Variants in KLHL6 observed in about 807,000 individuals in gnomAD.
KLHL6 encodes the protein kelch like family member 6, also known as kelch-like protein 6.
A neutral mutation model predicts 58.6 loss-of-function variants in KLHL6; 41 were observed. The observed-to-expected ratio is 0.70, with a 90% CI of 0.55 to 0.91. The LOEUF (loss-of-function observed/expected upper bound fraction) is 0.91, where lower values mean the gene tolerates loss of function less well. Among genes scored for constraint, KLHL6 ranks in the 40% least tolerant of loss-of-function variants. The pLI is 0.00. For synonymous variants in KLHL6, 338 were observed against 322.7 expected (o/e 1.05, Z -0.51); for missense variants, 714 against 805.6 (o/e 0.89, Z 1.38).
At chr3:183,515,131 C>G (rs1711516856) in intron 2 of KLHL6, among the ~76,000 whole-genome samples, 1 of 152,162 alleles carries the variant, frequency 6.6e-6, no homozygotes, top group Non-Finnish European at 1.5e-5. Flanking sequence ...TATCCTTCCA[C>G]CTAAGTACAA....
chr3:183,534,656 G>A (rs1016632295), intron 1 of KLHL6, among the ~76,000 whole-genome samples: 2 of 151,682 alleles, frequency 1.3e-5, no homozygotes, highest in African/African-American at 4.8e-5. Context: ...ACCCACCTCG[G>A]TCTCCCAAAG....
chr3:183,545,767 C>T (rs1244475795), intron 1 of KLHL6, among the ~76,000 whole-genome samples: 1 of 152,200 alleles, frequency 6.6e-6, no homozygotes, highest in African/African-American at 2.4e-5. Flanking sequence ...GTCACATGAG[C>T]GACCGGTTCA....
chr3:183,516,155 G>A (rs909891543), intron 2 of KLHL6, among the ~76,000 whole-genome samples: 6 of 152,252 alleles, frequency 3.9e-5, no homozygotes, highest in South Asian at 2.1e-4. Context: ...AGAGGCAGGT[G>A]GGGGATCTCC....
At position 183,528,090 on chromosome 3, in the gene KLHL6, A is replaced by G. The variant is rs139982791; in HGVS notation, c.294-80T>C. ...AAAGAGATCCCCTTTCAGACTCATC[A>G]GGCCCTCACAGAACAGGGGGTTTCC... On this transcript the variant is annotated intron_variant, in intron 1 of 6. Transcript: ENST00000341319. 2,936 of 1,500,106 alleles carry G rather than the reference A, an allele frequency of 2.0e-3. 46 individuals are homozygous for G. In the African/African-American group the frequency reaches 0.037, roughly 19 times the overall value. The allele number at this position is 1,500,106 out of a possible 1,614,324, so 92.9% of individuals were successfully genotyped here.
intron 1 of KLHL6, among the ~76,000 whole-genome samples, chr3:183,542,979 C>G (rs1031413005): frequency 6.6e-6 from 1 of 152,148 alleles, no homozygotes; most frequent in African/African-American, 2.4e-5. Flanking sequence ...TCCTTCCCCT[C>G]CAGGTATTTG....
In KLHL6 at chr3:183,547,984, G is replaced by C. The variant is rs116122676; in HGVS notation, c.293+7377C>G. 2.0e-5 allele frequency among the ~76,000 whole-genome samples: 3 copies of C among 152,262 alleles called. No individual in the cohort carries two copies. In the South Asian group the frequency reaches 6.2e-4, roughly 32 times the overall value. ...GAAATGTAAAAATCAGAGCCTCCTT[G>C]TGCTCATACACACATGCACAGGCAG... is the stretch of plus-strand genomic sequence containing the variant. On this transcript the variant is annotated intron_variant, in intron 1 of 6. Coordinates refer to ENST00000341319, the MANE Select transcript of KLHL6 (RefSeq NM_130446.4).
chr3:183,552,215 C>T (rs1712943738), intron 1 of KLHL6: 1 of 152,128 alleles, frequency 6.6e-6, no homozygotes, highest in South Asian at 2.1e-4. Flanking sequence ...GAAAAAAACT[C>T]ATGTTTCAGG....
intron 2 of KLHL6, among the ~76,000 whole-genome samples, chr3:183,519,237 A>G (rs1259866380): frequency 6.6e-6 from 1 of 152,316 alleles, no homozygotes; most frequent in Non-Finnish European, 1.5e-5. Context: ...GCCAGACCTG[A>G]AGAGGCTTTG....
Position 183,550,010 on chromosome 3 carries a change from G to T in KLHL6, c.293+5351C>A, listed in dbSNP as rs142116094. On this transcript the variant is annotated intron_variant, in intron 1 of 6. Coordinates refer to ENST00000341319, the MANE Select transcript of KLHL6 (RefSeq NM_130446.4). ...GTAAAAAACAAACAAAAACAGAAGA[G>T]TGGTTTTTTAAAAAATATAAACCTC... Among the ~76,000 whole-genome samples, 1,037 of 152,142 alleles carry T rather than the reference G, an allele frequency of 6.8e-3. 6 individuals are homozygous for T. Among genetic ancestry groups the T allele is most frequent in the African/African-American group, 0.019 (809 of 41,488 alleles).
At chr3:183,528,754 A>C (rs1286932337) in intron 1 of KLHL6, among the ~76,000 whole-genome samples, 1 of 152,206 alleles carries the variant, frequency 6.6e-6, no homozygotes, top group African/African-American at 2.4e-5. Flanking sequence ...CAGTTTTCTC[A>C]TCTGAAATGG....
Position 183,492,746 on chromosome 3 carries a change from T to C in KLHL6, c.1351-39A>G, listed in dbSNP as rs1224078964. 4 of 1,596,608 alleles carry C rather than the reference T, an allele frequency of 2.5e-6. No individual in the cohort carries two copies. The highest frequency in any genetic ancestry group is 1.7e-5 in the Admixed American group (1 of 59,938). On this transcript the variant is annotated intron_variant, in intron 5 of 6. Coordinates refer to ENST00000341319, the MANE Select transcript of KLHL6 (RefSeq NM_130446.4). The surrounding 1 kb of genome is among the most constrained non-coding windows in gnomAD (Gnocchi z 5.9). The stretch of plus-strand genomic sequence containing the variant: ...GGGCACAAGAAGAAGCTGTCAGTCA[T>C]GCTGCCCAGATTGCTGCAGTAGCTC...
intron 2 of KLHL6, among the ~76,000 whole-genome samples, chr3:183,526,496 G>C (rs1711974357): frequency 6.6e-6 from 1 of 152,112 alleles, no homozygotes; most frequent in Non-Finnish European, 1.5e-5. Flanking sequence ...GAAGCCCACA[G>C]CAATCTTCTC....
At chr3:183,527,136 A>C (rs1712000787) in intron 2 of KLHL6, among the ~76,000 whole-genome samples, 1 of 151,966 alleles carries the variant, frequency 6.6e-6, no homozygotes, top group Non-Finnish European at 1.5e-5. Flanking sequence ...AAACCAAAAA[A>C]AAGGATATTA....
intron 1 of KLHL6, among the ~76,000 whole-genome samples, chr3:183,539,462 C>T (rs1177638275): frequency 6.6e-6 from 1 of 152,062 alleles, no homozygotes; most frequent in African/African-American, 2.4e-5. Flanking sequence ...ATAATCCCAG[C>T]ACTTTGGGAT....
intron 1 of KLHL6, among the ~76,000 whole-genome samples, chr3:183,546,098 G>C (rs1174044403): frequency 1.3e-5 from 2 of 152,188 alleles, no homozygotes; most frequent in Non-Finnish European, 2.9e-5. Context: ...GTCCACCCAT[G>C]ATGGATGATG....
intron 5 of KLHL6, 180 bp downstream of exon 5, chr3:183,493,899 G>C (rs3821514): frequency 0.35 from 223,998 of 642,002 alleles, 46,552 homozygotes; most frequent in East Asian, 0.8. Flanking sequence ...TCTGTGACTT[G>C]ATCAGCAATA....
intron 5 of KLHL6, chr3:183,493,058 C>T: frequency 4.1e-6 from 1 of 242,354 alleles, no homozygotes; most frequent in Non-Finnish European, 8.1e-6. Context: ...ATGTGCTCAT[C>T]CACTCGAAAA....
At chr3:183,543,315 T>G (rs571900976) in intron 1 of KLHL6, among the ~76,000 whole-genome samples, 8 of 150,366 alleles carry the variant, frequency 5.3e-5, no homozygotes, top group Non-Finnish European at 8.9e-5. Context: ...GAGAGAGAGA[T>G]AATACTATGC....
intron 1 of KLHL6, among the ~76,000 whole-genome samples, chr3:183,552,717 CAA>C (rs1169148282): frequency 0.12 from 5,624 of 46,906 alleles, 48 homozygotes; most frequent in African/African-American, 0.17. Context: ...GACTCCGTCT[CAA>C]AAAAAAAAAA....
Sources: gnomAD v4.1 joint callset for allele counts (sites outside exome capture counted in the v4.1 genomes callset) on GRCh38, gnomAD v4.1.1 for gene constraint, Gnocchi (gnomAD v3.1) non-coding constraint, MANE v1.5 for transcripts, NCBI Gene and HGNC (gene_info 2026-07-23, HGNC 2026-07-21) for gene names.